The following TNRC6A variants were observed in gnomAD, a reference collection of about 807,000 sequenced individuals.
The protein encoded by TNRC6A is trinucleotide repeat containing adaptor 6A, also known as trinucleotide repeat-containing gene 6A protein.
In TNRC6A, 44 loss-of-function variants were observed where a neutral mutation model predicts 221.2. The observed-to-expected ratio is 0.20, with a 90% CI of 0.16 to 0.26. TNRC6A has a LOEUF of 0.26. Ranked by LOEUF, TNRC6A falls within the 10% of genes least tolerant of loss-of-function variation. The pLI is 1.00. For synonymous variants in TNRC6A, 847 were observed against 838.5 expected, an observed-to-expected ratio of 1.01 and a Z score of -0.18; for missense variants, 2,199 against 2,404.4, an observed-to-expected ratio of 0.91 and a Z score of 1.79.
chr16:24,613,581 G>A (rs1449958086), intron 1 of TNRC6A, among the ~76,000 whole-genome samples: 1 of 151,296 alleles, frequency 6.6e-6, no homozygotes, highest in Non-Finnish European at 1.5e-5. Flanking sequence ...AGGCTGGAGT[G>A]CAGTTGTTCG....
intron 2 of TNRC6A, among the ~76,000 whole-genome samples, chr16:24,687,124 G>A (rs1173358955): frequency 6.6e-6 from 1 of 152,140 alleles, no homozygotes; most frequent in Non-Finnish European, 1.5e-5. Flanking sequence ...CTAACTCACG[G>A]AACCCTGTGA....
intron 17 of TNRC6A, among the ~76,000 whole-genome samples, chr16:24,807,826 TGTAAACCAGCTTTGCTG>T (rs2152007434): frequency 1.3e-5 from 2 of 152,362 alleles, no homozygotes; most frequent in South Asian, 4.1e-4. Flanking sequence ...AGTGGTTTCT[TGTAAACCAGCTTTGCTG>T]GTTGTTAGCC....
intron 2 of TNRC6A, among the ~76,000 whole-genome samples, chr16:24,664,494 T>C (rs909121459): frequency 9.7e-5 from 14 of 143,784 alleles, no homozygotes; most frequent in Admixed American, 1.4e-4. Flanking sequence ...ATAAATATAA[T>C]AAAAATAAAT....
In TNRC6A at chr16:24,806,228, G is replaced by A; in HGVS notation, c.4274G>A (p.Arg1425Lys). ...TAGCGATTGTTAGCGCAGCAGCAAA[G>A]GGCGCAGAGTCAGAGAAGCGTGCCT... Reference protein sequence around the residue: ...QLQRLLAQQQRAQSQRSVPSG... With the variant: ...QLQRLLAQQQKAQSQRSVPSG... Residue 1425 changes from arginine to lysine, a missense_variant, in exon 16 of 25, where the codon AGG (arginine) becomes AAG (lysine). Physicochemically the swap from Arg to Lys is conservative, Grantham distance 26. Around this residue, in one of 8 missense-constraint regions of TNRC6A, gnomAD observed 449 missense variants for 579.7 expected, o/e 0.77. Transcript: ENST00000395799. 6.2e-7 allele frequency: 1 copy of A among 1,614,162 alleles called. No homozygotes were observed. The highest frequency in any genetic ancestry group is 2.2e-5 in the East Asian group (1 of 44,892).
At chr16:24,644,081 A>ATTTTTTTTTTT (rs748251760) in intron 2 of TNRC6A, among the ~76,000 whole-genome samples, 42 of 81,566 alleles carry the variant, frequency 5.1e-4, no homozygotes, top group African/African-American at 7.4e-4. Context: ...CTTATCTTTA[A>ATTTTTTTTTTT]TTTTTTTTTT....
rs1355295310 is a variant in TNRC6A at position 24,729,700 on chromosome 16, C to T, written c.-142C>T. 101 of 1,006,594 alleles carry T rather than the reference C, an allele frequency of 1.0e-4. 1 individual carries two copies. The highest frequency in any genetic ancestry group is 1.6e-4 in the South Asian group (5 of 30,774). The allele number at this position is 1,006,594 out of a possible 1,614,324, so 62.4% of individuals were successfully genotyped here. On this transcript the variant is annotated 5_prime_UTR_variant, in exon 1 of 25. Transcript: ENST00000395799. ...GCGGCGGTGTCGGCGGCGGCGGCGG[C>T]GGCGGCGGCGGCGGCGGCAGCGGGT... is the stretch of plus-strand genomic sequence containing the variant.
chr16:24,654,729 TAATAAAA>T (rs1383901600), intron 2 of TNRC6A, among the ~76,000 whole-genome samples: 1 of 151,186 alleles, frequency 6.6e-6, no homozygotes, highest in African/African-American at 2.4e-5. Context: ...AAAAAAAAAT[TAATAAAA>T]AATAAAAAAT....
intron 5 of TNRC6A, among the ~76,000 whole-genome samples, chr16:24,779,699 A>G (rs975705777): frequency 6.6e-6 from 1 of 152,226 alleles, no homozygotes; most frequent in African/African-American, 2.4e-5. Flanking sequence ...GTGAAGAACA[A>G]GGTACTAGTT....
intron 2 of TNRC6A, chr16:24,665,000 G>T (rs1179583414): frequency 3.9e-5 from 18 of 456,186 alleles, no homozygotes; most frequent in Non-Finnish European, 6.6e-5. Flanking sequence ...CATCAGAGGG[G>T]CAGGATTTGA....
intron 2 of TNRC6A, among the ~76,000 whole-genome samples, chr16:24,675,868 C>T (rs1447299460): frequency 2.0e-5 from 3 of 151,276 alleles, no homozygotes. Context: ...CTTTGCTGCT[C>T]TGTCTGCTGG....
chr16:24,810,329 A>G (rs928785137), intron 18 of TNRC6A, among the ~76,000 whole-genome samples: 2 of 152,242 alleles, frequency 1.3e-5, no homozygotes, highest in Non-Finnish European at 2.9e-5. Context: ...CCTGGAATAC[A>G]TAGACACAAT....
chr16:24,819,183 G>A (rs2058715005), intron 21 of TNRC6A, among the ~76,000 whole-genome samples: 1 of 152,192 alleles, frequency 6.6e-6, no homozygotes, highest in Non-Finnish European at 1.5e-5. Context: ...GTATGAAACT[G>A]TGTTGTGGTG....
At chr16:24,624,313 C>T (rs539547648) in intron 1 of TNRC6A, among the ~76,000 whole-genome samples, 1 of 152,254 alleles carries the variant, frequency 6.6e-6, no homozygotes, top group East Asian at 1.9e-4. Context: ...CATCTCAGAG[C>T]AAAAGTGGGA....
chr16:24,697,239 C>T (rs1336060416), intron 2 of TNRC6A, among the ~76,000 whole-genome samples: 1 of 152,154 alleles, frequency 6.6e-6, no homozygotes, highest in East Asian at 1.9e-4. Flanking sequence ...GGAAAAACTG[C>T]TGAAGCAATG....
chr16:24,778,398 T>C lies in TNRC6A; in HGVS notation c.589+1040T>C, dbSNP rs1224326904. On this transcript the variant is annotated intron_variant, in intron 5 of 24. Transcript: ENST00000395799. ...CAAGATCTGTCTGACTCCAAAGATATGCTTGTAACCACCATGCTGTGCTTT... is the reference window on the plus strand; with the variant it reads ...CAAGATCTGTCTGACTCCAAAGATACGCTTGTAACCACCATGCTGTGCTTT... The C allele has an allele frequency of 5.1e-6, 5 of 985,292 alleles. No homozygotes were observed. The African/African-American group carries it at 7.0e-5, about 14-fold the overall frequency. The allele number at this position is 985,292 out of a possible 1,614,324, so 61.0% of individuals were successfully genotyped here.
intron 1 of TNRC6A, among the ~76,000 whole-genome samples, chr16:24,618,042 C>T (rs1367358096): frequency 2.6e-5 from 4 of 152,080 alleles, no homozygotes; most frequent in South Asian, 2.1e-4. Context: ...GAATTACAGG[C>T]GTGCGGCACC....
At chr16:24,628,328 A>G (rs1042585597) in intron 1 of TNRC6A, among the ~76,000 whole-genome samples, 1 of 151,960 alleles carries the variant, frequency 6.6e-6, no homozygotes, top group Non-Finnish European at 1.5e-5. Flanking sequence ...ACTGAGGCAG[A>G]AGAATCGCTT....
At chr16:24,685,633 G>C (rs1355477046) in intron 2 of TNRC6A, among the ~76,000 whole-genome samples, 4 of 152,104 alleles carry the variant, frequency 2.6e-5, no homozygotes, top group Non-Finnish European at 5.9e-5. Flanking sequence ...ACCACCGTGC[G>C]CAGCCACATT....
intron 2 of TNRC6A, among the ~76,000 whole-genome samples, chr16:24,748,991 C>T (rs1304632411): frequency 6.6e-6 from 1 of 152,214 alleles, no homozygotes; most frequent in African/African-American, 2.4e-5. Flanking sequence ...TCTCCTGCCT[C>T]AGCCTCCCGA....
Sources: gnomAD v4.1 joint callset for allele counts (sites outside exome capture counted in the v4.1 genomes callset) on GRCh38, gnomAD v4.1.1 for gene constraint, gnomAD v4.1.1 regional missense constraint, MANE v1.5 for transcripts, NCBI Gene and HGNC (gene_info 2026-07-23, HGNC 2026-07-21) for gene names.